Variants in RORB observed in about 807,000 individuals in gnomAD.
RORB encodes nuclear receptor ROR-beta.
RORB carries 6 observed loss-of-function variants against 59.1 expected under a neutral mutation model. The observed-to-expected ratio is 0.10, with a 90% CI of 0.06 to 0.20. RORB has a LOEUF of 0.20. Among genes scored for constraint, RORB ranks in the 10% least tolerant of loss-of-function variants. The pLI is 1.00. For synonymous variants in RORB, 215 were observed against 204.5 expected (o/e 1.05, Z -0.44); for missense variants, 320 against 560.5 (o/e 0.57, Z 4.33).
At chr9:74,532,503 G>A (rs553750717) in intron 1 of RORB, among the ~76,000 whole-genome samples, 11 of 151,766 alleles carry the variant, frequency 7.2e-5, no homozygotes, top group African/African-American at 2.4e-4. Flanking sequence ...TACTCTTTAG[G>A]AGTAAAATTC....
At chr9:74,644,815 T>A (rs547139056) in intron 4 of RORB, among the ~76,000 whole-genome samples, 23 of 152,322 alleles carry the variant, frequency 1.5e-4, no homozygotes, top group African/African-American at 5.5e-4. Flanking sequence ...TAAGAATTAA[T>A]AAATCATAAC....
chr9:74,501,831 TG>T (rs755929540), intron 1 of RORB, among the ~76,000 whole-genome samples: 9 of 152,140 alleles, frequency 5.9e-5, no homozygotes, highest in Non-Finnish European at 1.3e-4. Context: ...AATCACGAAT[TG>T]GGAAACCAGG....
At chr9:74,566,603 C>G (rs1289573152) in intron 1 of RORB, among the ~76,000 whole-genome samples, 1 of 152,080 alleles carries the variant, frequency 6.6e-6, no homozygotes, top group Non-Finnish European at 1.5e-5. Context: ...TCGAGACTAG[C>G]CTGGCCAACA....
At chr9:74,674,998 T>C (rs1185560642) in intron 9 of RORB, among the ~76,000 whole-genome samples, 1 of 152,156 alleles carries the variant, frequency 6.6e-6, no homozygotes, top group African/African-American at 2.4e-5. Flanking sequence ...AGGTAATATG[T>C]AAGTGCTGTT....
intron 2 of RORB, among the ~76,000 whole-genome samples, chr9:74,630,833 AAAG>A (rs1221054449): frequency 3.7e-5 from 3 of 81,952 alleles, no homozygotes; most frequent in Non-Finnish European, 6.3e-5. Context: ...CAGGAAAAAA[AAAG>A]AAAAGAAAAG....
intron 8 of RORB, among the ~76,000 whole-genome samples, chr9:74,670,635 C>A (rs1414943839): frequency 6.6e-6 from 1 of 152,218 alleles, no homozygotes; most frequent in East Asian, 1.9e-4. Context: ...CCAAATACCT[C>A]ATTTGCCACC....
intron 1 of RORB, among the ~76,000 whole-genome samples, chr9:74,519,931 C>T (rs1826060252): frequency 6.6e-6 from 1 of 151,826 alleles, no homozygotes; most frequent in African/African-American, 2.4e-5. Context: ...TCACCACGTC[C>T]TTCATTAACT....
At chr9:74,599,357 A>G (rs1823020663) in intron 1 of RORB, among the ~76,000 whole-genome samples, 1 of 152,150 alleles carries the variant, frequency 6.6e-6, no homozygotes, top group Non-Finnish European at 1.5e-5. Context: ...CTATTATTCA[A>G]TGGCCTCTAA....
intron 1 of RORB, among the ~76,000 whole-genome samples, chr9:74,579,152 T>A (rs1822681427): frequency 6.6e-6 from 1 of 152,164 alleles, no homozygotes; most frequent in Admixed American, 6.6e-5. Context: ...AATTTATATT[T>A]AGTAAATAAT....
chr9:74,544,197 C>T (rs1826454726), intron 1 of RORB, among the ~76,000 whole-genome samples: 1 of 152,200 alleles, frequency 6.6e-6, no homozygotes, highest in African/African-American at 2.4e-5. Flanking sequence ...CTGTTTGCTC[C>T]ATTCTCTATC....
At chr9:74,586,011 G>C (rs1238583386) in intron 1 of RORB, among the ~76,000 whole-genome samples, 1 of 151,760 alleles carries the variant, frequency 6.6e-6, no homozygotes, top group Non-Finnish European at 1.5e-5. Context: ...AGCCAGGATG[G>C]TCTCAATCTC....
At chr9:74,552,062 G>T (rs554482945) in intron 1 of RORB, among the ~76,000 whole-genome samples, 2 of 152,190 alleles carry the variant, frequency 1.3e-5, no homozygotes, top group Non-Finnish European at 2.9e-5. Context: ...AATGCTGGGG[G>T]GCCGTCAGGT....
intron 1 of RORB, among the ~76,000 whole-genome samples, chr9:74,617,422 G>A (rs1823331110): frequency 6.6e-6 from 1 of 152,164 alleles, no homozygotes; most frequent in Non-Finnish European, 1.5e-5. Context: ...GGGAATAAGG[G>A]ACAGTCGACA....
At chr9:74,597,088 G>A (rs1036591797) in intron 1 of RORB, among the ~76,000 whole-genome samples, 2 of 152,206 alleles carry the variant, frequency 1.3e-5, no homozygotes, top group Admixed American at 6.5e-5. Flanking sequence ...TTCTAGCTCA[G>A]TCGGTCTGAA....
At chr9:74,642,234 C>T (rs1823819923) in intron 3 of RORB, among the ~76,000 whole-genome samples, 180 bp from the exon 4 acceptor site, 1 of 152,140 alleles carries the variant, frequency 6.6e-6, no homozygotes, top group Admixed American at 6.5e-5. Context: ...AGGACAGGTA[C>T]CCTCTGAATA....
intron 8 of RORB, 148 bp downstream of exon 8, chr9:74,668,049 A>G: frequency 1.7e-6 from 1 of 598,994 alleles, no homozygotes; most frequent in East Asian, 2.8e-5. Flanking sequence ...TTGGACAGTG[A>G]AAAGGGAAGT....
intron 3 of RORB, among the ~76,000 whole-genome samples, chr9:74,641,222 C>T (rs954527026): frequency 7.0e-6 from 1 of 143,058 alleles, no homozygotes; most frequent in African/African-American, 2.5e-5. Flanking sequence ...TGTTCACATC[C>T]TAAAAAGGCA....
Position 74,662,522 on chromosome 9 carries a change from A to G in RORB, c.808A>G (p.Ile270Val). Residue 270 changes from isoleucine to valine, a missense_variant, in exon 6 of 10, where the codon ATC (isoleucine) becomes GTC (valine). This residue lies in a region of RORB where 40 missense variants were observed against 116.9 expected (regional missense o/e 0.34). Transcript: ENST00000376896. ...QQCAIQITHA[I>V]QYVVEFAKRI... ...ATGTGCCATCCAGATCACTCACGCCATCCAATACGTGGTGGAGTTTGCAAA... is the reference window on the plus strand; with the variant it reads ...ATGTGCCATCCAGATCACTCACGCCGTCCAATACGTGGTGGAGTTTGCAAA... 6.2e-7 allele frequency: 1 copy of G among 1,614,086 alleles called. No individual in the cohort carries two copies. Among genetic ancestry groups the G allele is most frequent in the Non-Finnish European group, 8.5e-7 (1 of 1,179,958 alleles).
intron 4 of RORB, among the ~76,000 whole-genome samples, chr9:74,653,502 A>G (rs2118492960): frequency 6.6e-6 from 1 of 152,032 alleles, no homozygotes; most frequent in Non-Finnish European, 1.5e-5. Flanking sequence ...AATAGAGGGT[A>G]TAGTTCACCA....
Sources: allele counts gnomAD v4.1 joint callset (sites outside exome capture counted in the v4.1 genomes callset), GRCh38; gene constraint gnomAD v4.1.1; regional missense constraint gnomAD v4.1.1; transcripts MANE v1.5; gene names NCBI Gene and HGNC (gene_info 2026-07-23, HGNC 2026-07-21).